The following ABHD12 variants were observed in gnomAD, a reference collection of about 807,000 sequenced individuals.
ABHD12 encodes the protein abhydrolase domain containing 12, lysophospholipase.
A neutral mutation model predicts 58.3 loss-of-function variants in ABHD12; 43 were observed. That is an observed-to-expected ratio of 0.74 (90% confidence interval 0.58 to 0.95). The LOEUF is 0.95. Among genes scored for constraint, ABHD12 ranks in the 40% least tolerant of loss-of-function variants. The pLI is 0.00. For synonymous variants in ABHD12, 219 were observed against 211.2 expected (o/e 1.04, Z -0.32); for missense variants, 539 against 537.2 (o/e 1.00, Z -0.03).
At chr20:25,302,788 C>T (rs1409362215) in intron 11 of ABHD12, among the ~76,000 whole-genome samples, 2 of 152,192 alleles carry the variant, frequency 1.3e-5, no homozygotes, top group East Asian at 1.9e-4. Flanking sequence ...CGCTGCTGGG[C>T]GGCTCTGCAT....
chr20:25,328,626 A>G (rs1308085094), intron 2 of ABHD12, among the ~76,000 whole-genome samples: 1 of 152,238 alleles, frequency 6.6e-6, no homozygotes, highest in Non-Finnish European at 1.5e-5. Context: ...ACTGAAAAGT[A>G]TTTTACAAGG....
chr20:25,367,726 T>C (rs2089842667), intron 1 of ABHD12, among the ~76,000 whole-genome samples: 1 of 152,262 alleles, frequency 6.6e-6, no homozygotes, highest in South Asian at 2.1e-4. Flanking sequence ...GGTTCATTCA[T>C]GTTGTAGCAT....
chr20:25,368,973 C>T (rs2089862765), intron 1 of ABHD12, among the ~76,000 whole-genome samples: 1 of 152,038 alleles, frequency 6.6e-6, no homozygotes, highest in Non-Finnish European at 1.5e-5. Context: ...AAATTAAAAA[C>T]CTAGCCAGGT....
chr20:25,309,492 T>C lies in ABHD12; in HGVS notation c.703A>G (p.Ser235Gly). The change falls in exon 7 of 13, where the codon AGT becomes GGT. Residue 235 changes from serine to glycine, a missense_variant. Transcript: ENST00000339157. ...LHVFDWIKAR[S>G]GDNPVYIWGH... ...CAGATGTACACGGGGTTGTCACCAC[T>C]TCTTGCTTTGATCCAGTCAAAAACG... The C allele has an allele frequency of 6.2e-7, 1 of 1,614,194 alleles. No individual in the cohort carries two copies. The highest frequency in any genetic ancestry group is 2.2e-5 in the East Asian group (1 of 44,888).
intron 1 of ABHD12, among the ~76,000 whole-genome samples, chr20:25,365,614 T>C (rs1388073795): frequency 6.6e-6 from 1 of 152,210 alleles, no homozygotes; most frequent in African/African-American, 2.4e-5. Context: ...AAAGAGTAAG[T>C]GCATCTATAT....
chr20:25,383,245 T>C (rs557910661), intron 1 of ABHD12, among the ~76,000 whole-genome samples: 31 of 152,296 alleles, frequency 2.0e-4, no homozygotes, highest in Admixed American at 1.4e-3. Flanking sequence ...ATTAGCAACC[T>C]TGGATAAAGT....
At chr20:25,390,440 C>T (rs571074138) in intron 1 of ABHD12, 73 bp downstream of exon 1, 4 of 1,319,126 alleles carry the variant, frequency 3.0e-6, no homozygotes, top group African/African-American at 1.6e-5. Flanking sequence ...GGTACCGCGG[C>T]CCCCTGCGGG....
intron 2 of ABHD12, among the ~76,000 whole-genome samples, chr20:25,335,660 A>T (rs1028805248): frequency 7.4e-5 from 11 of 148,662 alleles, no homozygotes; most frequent in Admixed American, 2.0e-4. Flanking sequence ...CTTTGTAGGG[A>T]CATGGATGAA....
chr20:25,330,639 C>T (rs1278873431), intron 2 of ABHD12, among the ~76,000 whole-genome samples: 2 of 152,354 alleles, frequency 1.3e-5, no homozygotes, highest in Admixed American at 6.5e-5. Context: ...AATGCCTCCT[C>T]AAGCGGGTCC....
chr20:25,303,308 G>A, intron 11 of ABHD12: 2 of 1,395,652 alleles, frequency 1.4e-6, no homozygotes, highest in Non-Finnish European at 1.9e-6. Flanking sequence ...TCATATTCTT[G>A]GAGACAGCAT....
In ABHD12 at chr20:25,309,907, T is replaced by C. The variant is rs6037083; in HGVS notation, c.620-332A>G. 0.56 allele frequency among the ~76,000 whole-genome samples: 84,924 copies of C among 152,162 alleles called. 24,355 individuals are homozygous for C. The highest frequency in any genetic ancestry group is 0.62 in the Admixed American group (9,451 of 15,300). On this transcript the variant is annotated intron_variant, in intron 6 of 12. Transcript: ENST00000339157. ...AATGGCAACTAACAGCAAGCTGAGT[T>C]AACAGAACAGATCACAGAGCTTCAG...
At position 25,312,254 on chromosome 20, in the gene ABHD12, A is replaced by C. The variant is rs185267849; in HGVS notation, c.619+2671T>G. ...GCCGAAGCTGGACTGTACTGCCGCC[A>C]TCTCGGCTCACTGCAACCTCCCTGC... On this transcript the variant is annotated intron_variant, in intron 6 of 12. Coordinates refer to ENST00000339157, the MANE Select transcript of ABHD12 (RefSeq NM_001042472.3). Among the ~76,000 whole-genome samples, 6 of 152,214 alleles carry C rather than the reference A, an allele frequency of 3.9e-5. No individual in the cohort carries two copies. In the East Asian group the frequency reaches 9.7e-4, roughly 25 times the overall value.
intron 2 of ABHD12, among the ~76,000 whole-genome samples, chr20:25,336,841 G>A (rs1432401244): frequency 2.0e-5 from 3 of 152,226 alleles, no homozygotes; most frequent in Non-Finnish European, 4.4e-5. Context: ...TCATGGAGAG[G>A]CAGGAGGAGT....
chr20:25,358,743 A>C (rs1175515071), intron 1 of ABHD12, among the ~76,000 whole-genome samples: 1 of 152,166 alleles, frequency 6.6e-6, no homozygotes, highest in East Asian at 1.9e-4. Context: ...CCCCTTGTCC[A>C]TATCGGCCAC....
chr20:25,315,372 TG>T (rs2088941564), intron 5 of ABHD12, among the ~76,000 whole-genome samples: 1 of 152,214 alleles, frequency 6.6e-6, no homozygotes, highest in African/African-American at 2.4e-5. Flanking sequence ...AGACCCCATC[TG>T]GGGACCCTTG....
At position 25,300,890 on chromosome 20, in the gene ABHD12, C is replaced by T; in HGVS notation, c.1158-6G>A. ...CCGACTTCCCCAGGAATTCCCTAGA[C>T]CACAGGACAATCAGGAGCCAATCAT... On this transcript the variant is annotated splice_region_variant and splice_polypyrimidine_tract_variant and intron_variant, in intron 12 of 12. Coordinates refer to ENST00000339157, the MANE Select transcript of ABHD12 (RefSeq NM_001042472.3). The T allele has an allele frequency of 6.2e-7, 1 of 1,613,796 alleles. No homozygotes were observed. The highest frequency in any genetic ancestry group is 8.5e-7 in the Non-Finnish European group (1 of 1,179,794).
intron 2 of ABHD12, among the ~76,000 whole-genome samples, chr20:25,330,755 T>C (rs1327900280): frequency 6.6e-6 from 1 of 152,182 alleles, no homozygotes; most frequent in African/African-American, 2.4e-5. Context: ...CTGAGGGTCC[T>C]GTCTGTTAGA....
intron 4 of ABHD12, among the ~76,000 whole-genome samples, chr20:25,317,495 G>A (rs1053665196): frequency 2.6e-5 from 4 of 152,176 alleles, no homozygotes; most frequent in Non-Finnish European, 5.9e-5. Flanking sequence ...CGTCTCAGCC[G>A]ACCTTCAGAA....
intron 1 of ABHD12, among the ~76,000 whole-genome samples, chr20:25,380,002 G>C (rs2090003689): frequency 6.6e-6 from 1 of 152,108 alleles, no homozygotes; most frequent in Admixed American, 6.5e-5. Flanking sequence ...AGGAGTACAG[G>C]TGTGTGCCAC....
Sources: gnomAD v4.1 joint callset for allele counts (sites outside exome capture counted in the v4.1 genomes callset) on GRCh38, gnomAD v4.1.1 for gene constraint, MANE v1.5 for transcripts, NCBI Gene and HGNC (gene_info 2026-07-23, HGNC 2026-07-21) for gene names.